Variants in RBFOX1 observed in about 807,000 individuals in gnomAD.
RBFOX1 encodes the protein RNA binding protein fox-1 homolog 1.
RBFOX1 carries 8 observed loss-of-function variants against 57.7 expected under a neutral mutation model. That is an observed-to-expected ratio of 0.14 (90% CI 0.08 to 0.25). The LOEUF (loss-of-function observed/expected upper bound fraction) is 0.25, where lower values mean the gene tolerates loss of function less well. Ranked by LOEUF, RBFOX1 falls within the 10% of genes least tolerant of loss-of-function variation. The probability of loss-of-function intolerance (pLI) is 1.00; values close to 1 mark genes in which losing one functional copy is unlikely to be tolerated. For synonymous variants in RBFOX1, 326 were observed against 222.4 expected, an observed-to-expected ratio of 1.47 and a Z score of -4.15; for missense variants, 611 against 548.5, an observed-to-expected ratio of 1.11 and a Z score of -1.14.
At chr16:6,115,938 A>G (rs1443328447) in intron 1 of RBFOX1, among the ~76,000 whole-genome samples, 1 of 152,232 alleles carries the variant, frequency 6.6e-6, no homozygotes, top group Non-Finnish European at 1.5e-5. Flanking sequence ...CCAAAGGATT[A>G]TAAATCACTC....
chr16:6,179,994 T>C (rs994701025), intron 1 of RBFOX1, among the ~76,000 whole-genome samples: 1 of 152,212 alleles, frequency 6.6e-6, no homozygotes, highest in Non-Finnish European at 1.5e-5. Context: ...ATATGGTGTA[T>C]GTCAGGGTTT....
At chr16:7,160,447 A>C (rs2078073194) in intron 4 of RBFOX1, among the ~76,000 whole-genome samples, 1 of 152,072 alleles carries the variant, frequency 6.6e-6, no homozygotes, top group African/African-American at 2.4e-5. Flanking sequence ...GTTGCACAAA[A>C]TAATGTACAT....
intron 3 of RBFOX1, among the ~76,000 whole-genome samples, chr16:6,912,026 C>A (rs117029636): frequency 1.5e-3 from 224 of 152,208 alleles, no homozygotes; most frequent in African/African-American, 5.2e-3. Context: ...TTCAAAGATT[C>A]CTTTTTGTGG....
chr16:7,292,120 TATA>T (rs1242329819), intron 4 of RBFOX1, among the ~76,000 whole-genome samples: 1 of 77,032 alleles, frequency 1.3e-5, no homozygotes, highest in East Asian at 3.7e-4. Context: ...ATGTATAATA[TATA>T]ATATATAATG....
rs553354257 is a variant in RBFOX1, at chr16:7,474,404, T to C, written c.28-43743T>C. 2.5e-3 allele frequency among the ~76,000 whole-genome samples: 374 copies of C among 152,310 alleles called. 2 individuals are homozygous for C. The highest frequency in any genetic ancestry group is 8.5e-3 in the African/African-American group (355 of 41,574). On this transcript the variant is annotated intron_variant, in intron 4 of 15. Transcript: ENST00000550418. ...GTTCCCCAGTGCACTTCACCTTCAC[T>C]GTGAAGGTCATGTATTCATGCTTCT...
chr16:5,651,044 T>TCCC, intron 3 of RBFOX1, among the ~76,000 whole-genome samples: 1 of 64,076 alleles, frequency 1.6e-5, no homozygotes, highest in African/African-American at 7.4e-5. Flanking sequence ...CTCCTTCTTT[T>TCCC]TTTTTTTTTT....
In RBFOX1 at chr16:7,518,287, C is replaced by A; in HGVS notation, c.168C>A (p.Thr56=). 6.2e-7 allele frequency: 1 copy of A among 1,614,168 alleles called. No homozygotes were observed. The highest frequency in any genetic ancestry group is 2.2e-5 in the East Asian group (1 of 44,860). The change falls in exon 5 of 16, where the codon ACC becomes ACA. Residue 56 remains threonine, a synonymous_variant. Coordinates refer to ENST00000550418, the MANE Select transcript of RBFOX1 (RefSeq NM_018723.4). The stretch of plus-strand genomic sequence containing the variant: ...CCGCGCCAGAGTACACAGGCCAGAC[C>A]ACGGTTCCCGAGCACACATTAAACC... The part of the protein sequence containing the change: ...PHPAPEYTGQ[T]TVPEHTLNLY...
chr16:6,782,488 A>C (rs535074694), intron 3 of RBFOX1, among the ~76,000 whole-genome samples: 23 of 151,418 alleles, frequency 1.5e-4, no homozygotes, highest in African/African-American at 5.3e-4. Flanking sequence ...CATGTTTTCT[A>C]TTTTTTCATG....
chr16:6,266,926 A>C (rs1230158449), intron 1 of RBFOX1, among the ~76,000 whole-genome samples: 1 of 152,184 alleles, frequency 6.6e-6, no homozygotes, highest in Non-Finnish European at 1.5e-5. Flanking sequence ...CCATACTCTT[A>C]GCAGAGTGCC....
intron 3 of RBFOX1, among the ~76,000 whole-genome samples, chr16:6,736,226 A>G (rs966916167): frequency 2.0e-5 from 3 of 152,042 alleles, no homozygotes; most frequent in Non-Finnish European, 2.9e-5. Flanking sequence ...TGGTATTTGC[A>G]TACACGAGTA....
At chr16:6,914,613 C>A (rs984505611) in intron 3 of RBFOX1, among the ~76,000 whole-genome samples, 1 of 152,076 alleles carries the variant, frequency 6.6e-6, no homozygotes, top group African/African-American at 2.4e-5. Flanking sequence ...GTGGCTCACG[C>A]CTCTAATCGC....
intron 3 of RBFOX1, among the ~76,000 whole-genome samples, chr16:6,967,561 C>G (rs576043658): frequency 6.6e-6 from 1 of 152,186 alleles, no homozygotes; most frequent in East Asian, 1.9e-4. Context: ...TGTGTTTCTC[C>G]TACACCTCTT....
At chr16:6,967,161 G>C (rs1317443441) in intron 3 of RBFOX1, among the ~76,000 whole-genome samples, 1 of 151,700 alleles carries the variant, frequency 6.6e-6, no homozygotes, top group Admixed American at 6.6e-5. Context: ...ATCTATCCAT[G>C]TGTTTGTACA....
chr16:6,841,374 C>A (rs560578534), intron 3 of RBFOX1, among the ~76,000 whole-genome samples: 100 of 152,256 alleles, frequency 6.6e-4, no homozygotes, highest in African/African-American at 2.3e-3. Context: ...GTTGAAATAG[C>A]CTCACTCACA....
At chr16:7,097,461 A>G (rs1169287931) in intron 4 of RBFOX1, among the ~76,000 whole-genome samples, 4 of 152,178 alleles carry the variant, frequency 2.6e-5, no homozygotes, top group Non-Finnish European at 4.4e-5. Flanking sequence ...GAAGAACCCT[A>G]CAGAGGAGGA....
chr16:5,979,816 C>T (rs367544249), intron 4 of RBFOX1, among the ~76,000 whole-genome samples: 5 of 151,910 alleles, frequency 3.3e-5, no homozygotes, highest in Admixed American at 6.6e-5. Context: ...GCGCCGAGAT[C>T]GTACCACTGC....
chr16:5,442,424 A>C (rs1299199447), intron 1 of RBFOX1, among the ~76,000 whole-genome samples: 5 of 152,204 alleles, frequency 3.3e-5, no homozygotes, highest in Admixed American at 1.3e-4. Flanking sequence ...GCATGTGGGA[A>C]AGTCCACTGT....
At chr16:7,438,791 C>T (rs1274942145) in intron 4 of RBFOX1, among the ~76,000 whole-genome samples, 5 of 152,144 alleles carry the variant, frequency 3.3e-5, no homozygotes, top group Non-Finnish European at 4.4e-5. Flanking sequence ...AATTCAATAG[C>T]GTAGCCTTGA....
At chr16:7,186,481 CA>C (rs2083846884) in intron 4 of RBFOX1, among the ~76,000 whole-genome samples, 1 of 127,574 alleles carries the variant, frequency 7.8e-6, no homozygotes, top group African/African-American at 3.1e-5. Flanking sequence ...TAAATATAAG[CA>C]TAAACATATT....
Sources: gnomAD v4.1 joint callset for allele counts (sites outside exome capture counted in the v4.1 genomes callset) on GRCh38, gnomAD v4.1.1 for gene constraint, MANE v1.5 for transcripts, NCBI Gene and HGNC (gene_info 2026-07-23, HGNC 2026-07-21) for gene names.